Variants in DRC11 observed in about 807,000 individuals in gnomAD.
DRC11 encodes the protein dynein regulatory complex subunit 11, also known as IQ and AAA domain-containing protein 1.
At chr2:236,424,399 T>C in the DRC11 span, among the ~76,000 whole-genome samples, 1 of 152,174 alleles carries the variant, frequency 6.6e-6, no homozygotes, top group African/African-American at 2.4e-5. Context: ...TTTTTGAGTA[T>C]TACATTTTCA....
chr2:236,476,632 T>A, the DRC11 span, among the ~76,000 whole-genome samples: 1 of 152,244 alleles, frequency 6.6e-6, no homozygotes, highest in African/African-American at 2.4e-5. The surrounding 1 kb of genome is among the most constrained non-coding windows in gnomAD (Gnocchi z 4.7). Context: ...GGCATCCTTG[T>A]CCTGCATGTT....
chr2:236,338,276 T>A, the DRC11 span: 1 of 1,614,032 alleles, frequency 6.2e-7, no homozygotes, highest in East Asian at 2.2e-5. Context: ...AGATTGGAGT[T>A]CAGCATCGAA....
At chr2:236,331,768 A>G in the DRC11 span, 1 of 604,954 alleles carries the variant, frequency 1.7e-6, no homozygotes, top group Non-Finnish European at 2.9e-6. The surrounding 1 kb of genome is among the most constrained non-coding windows in gnomAD (Gnocchi z 4.8). Flanking sequence ...GCTTTCCTCT[A>G]GAGAATTTTC....
the DRC11 span, among the ~76,000 whole-genome samples, chr2:236,372,148 T>C: frequency 6.6e-6 from 1 of 152,168 alleles, no homozygotes; most frequent in Non-Finnish European, 1.5e-5. This position sits in a 1 kb window ranked among gnomAD's most constrained non-coding sequence, Gnocchi z 4.5. Context: ...AAATATCTCG[T>C]TTTTATTATT....
chr2:236,358,434 T>C, the DRC11 span, among the ~76,000 whole-genome samples: 2 of 138,148 alleles, frequency 1.4e-5, no homozygotes, highest in East Asian at 2.0e-4. Context: ...ATATATATCA[T>C]ATATAAATAT....
At chr2:236,402,018 C>T in the DRC11 span, among the ~76,000 whole-genome samples, 1 of 152,188 alleles carries the variant, frequency 6.6e-6, no homozygotes, top group Admixed American at 6.5e-5. This position sits in a 1 kb window ranked among gnomAD's most constrained non-coding sequence, Gnocchi z 6.0. Flanking sequence ...ACAACACAAC[C>T]ATCGGAATAA....
At chr2:236,506,576 G>GA in the DRC11 span, among the ~76,000 whole-genome samples, 128 of 152,308 alleles carry the variant, frequency 8.4e-4, no homozygotes, top group African/African-American at 3.0e-3. This position sits in a 1 kb window ranked among gnomAD's most constrained non-coding sequence, Gnocchi z 4.9. Context: ...CTTGCTGTGT[G>GA]AACTACTTCA....
chr2:236,323,062 T>C, the DRC11 span, among the ~76,000 whole-genome samples: 1 of 152,254 alleles, frequency 6.6e-6, no homozygotes, highest in Non-Finnish European at 1.5e-5. The surrounding 1 kb of genome is among the most constrained non-coding windows in gnomAD (Gnocchi z 6.4). Flanking sequence ...GTACTTGTCG[T>C]GAAACTAAGA....
chr2:236,491,240 T>TATATATAC, the DRC11 span, among the ~76,000 whole-genome samples: 456 of 52,498 alleles, frequency 8.7e-3, 28 homozygotes, highest in African/African-American at 0.013. Context: ...TATATATATA[T>TATATATAC]ACACAGTATA....
At chr2:236,370,610 G>A in the DRC11 span, among the ~76,000 whole-genome samples, 2 of 152,154 alleles carry the variant, frequency 1.3e-5, no homozygotes, top group Admixed American at 1.3e-4. This position sits in a 1 kb window ranked among gnomAD's most constrained non-coding sequence, Gnocchi z 5.5. Context: ...GGCAGGGGTG[G>A]GGACTGGCAA....
chr2:236,375,651 AC>A, the DRC11 span, among the ~76,000 whole-genome samples: 3 of 152,144 alleles, frequency 2.0e-5, no homozygotes, highest in Non-Finnish European at 4.4e-5. The surrounding 1 kb of genome is among the most constrained non-coding windows in gnomAD (Gnocchi z 4.2). Context: ...TAAAATAACC[AC>A]CCTTTGATCA....
At chr2:236,307,736 G>T in the DRC11 span, among the ~76,000 whole-genome samples, 4 of 152,204 alleles carry the variant, frequency 2.6e-5, no homozygotes, top group Non-Finnish European at 5.9e-5. This position sits in a 1 kb window ranked among gnomAD's most constrained non-coding sequence, Gnocchi z 7.0. Context: ...TGTTGAGGGT[G>T]TGGAATTAAA....
the DRC11 span, among the ~76,000 whole-genome samples, chr2:236,451,365 A>T: frequency 1.3e-5 from 2 of 149,728 alleles, no homozygotes; most frequent in African/African-American, 4.9e-5. Flanking sequence ...CACTTTACAT[A>T]TATATATATA....
chr2:236,340,107 C>T, the DRC11 span, among the ~76,000 whole-genome samples: 1 of 152,194 alleles, frequency 6.6e-6, no homozygotes, highest in African/African-American at 2.4e-5. Context: ...TCTTGCACTT[C>T]TTGTGTCAAA....
chr2:236,506,322 A>G, the DRC11 span, among the ~76,000 whole-genome samples: 2 of 152,312 alleles, frequency 1.3e-5, no homozygotes, highest in African/African-American at 4.8e-5. This position sits in a 1 kb window ranked among gnomAD's most constrained non-coding sequence, Gnocchi z 4.9. Flanking sequence ...GCAAGTTTAT[A>G]TTTCAGACAT....
chr2:236,459,674 TATATATGTATATACATATATAC>T, the DRC11 span, among the ~76,000 whole-genome samples: 9 of 147,018 alleles, frequency 6.1e-5, no homozygotes, highest in South Asian at 2.1e-4. Flanking sequence ...CGTATATACG[TATATATGTATATACATATATAC>T]ATATATACGT....
At chr2:236,326,739 G>A in the DRC11 span, among the ~76,000 whole-genome samples, 2 of 150,890 alleles carry the variant, frequency 1.3e-5, no homozygotes, top group African/African-American at 4.9e-5. Context: ...TTGTCAGATT[G>A]TATTTAGCAC....
the DRC11 span, among the ~76,000 whole-genome samples, chr2:236,310,072 A>C: frequency 2.0e-5 from 3 of 152,182 alleles, no homozygotes; most frequent in Non-Finnish European, 2.9e-5. The surrounding 1 kb of genome is among the most constrained non-coding windows in gnomAD (Gnocchi z 5.5). Flanking sequence ...CCTCACAAAG[A>C]AAAGGGTGTA....
the DRC11 span, among the ~76,000 whole-genome samples, chr2:236,506,683 C>T: frequency 6.6e-6 from 1 of 152,218 alleles, no homozygotes; most frequent in South Asian, 2.1e-4. This position sits in a 1 kb window ranked among gnomAD's most constrained non-coding sequence, Gnocchi z 4.9. Flanking sequence ...AGAACAGTGT[C>T]TACAGGGTCA....
Sources: allele counts gnomAD v4.1 joint callset (sites outside exome capture counted in the v4.1 genomes callset), GRCh38; gene constraint gnomAD v4.1.1; non-coding constraint Gnocchi (gnomAD v3.1); transcripts MANE v1.5; gene names NCBI Gene and HGNC (gene_info 2026-07-23, HGNC 2026-07-21).